The following KIF26B variants were observed in gnomAD, a reference collection of about 807,000 sequenced individuals.
The protein encoded by KIF26B is kinesin family member 26B, also known as kinesin-like protein KIF26B.
In KIF26B, 63 loss-of-function variants were observed where a neutral mutation model predicts 151.2. That is an observed-to-expected ratio of 0.42 (90% CI 0.34 to 0.51). KIF26B has a LOEUF of 0.51. Ranked by LOEUF, KIF26B falls within the 20% of genes least tolerant of loss-of-function variation. KIF26B has a pLI of 0.07. For missense variants in KIF26B, 2,813 were observed against 2,913.6 expected, an observed-to-expected ratio of 0.97 and a Z score of 0.79; for synonymous variants, 1,357 against 1,262.1, an observed-to-expected ratio of 1.08 and a Z score of -1.59.
rs111301143 is a variant in KIF26B, at chr1:245,443,523, G to A, written c.1166+23778G>A. Among the ~76,000 whole-genome samples, 2 of 102,598 alleles carry A rather than the reference G, an allele frequency of 1.9e-5. 1 individual carries two copies. The highest frequency in any genetic ancestry group is 6.5e-5 in the African/African-American group (2 of 30,686). The allele number at this position is 102,598 out of a possible 152,430, so 67.3% of individuals were successfully genotyped here. On this transcript the variant is annotated intron_variant, in intron 4 of 14. Transcript: ENST00000407071. ...TCATCTCCCTCACTGTTCATCCTGC[G>A]GTCATCTCCCTCACTGTTCACCTAG...
At chr1:245,240,279 G>T (rs554043319) in intron 2 of KIF26B, among the ~76,000 whole-genome samples, 1 of 152,076 alleles carries the variant, frequency 6.6e-6, no homozygotes, top group Non-Finnish European at 1.5e-5. Flanking sequence ...GGCCACATTC[G>T]CTTTATTTTT....
At chr1:245,451,405 A>G (rs564652012) in intron 4 of KIF26B, among the ~76,000 whole-genome samples, 1 of 151,840 alleles carries the variant, frequency 6.6e-6, no homozygotes, top group South Asian at 2.1e-4. Context: ...GTTTTATTAC[A>G]TTTATTTATT....
At chr1:245,623,945 C>T (rs1275214789) in intron 9 of KIF26B, among the ~76,000 whole-genome samples, 1 of 152,038 alleles carries the variant, frequency 6.6e-6, no homozygotes, top group African/African-American at 2.4e-5. Flanking sequence ...TTGTAATTCC[C>T]AGTGTTGGGG....
intron 4 of KIF26B, among the ~76,000 whole-genome samples, chr1:245,436,176 CAAA>C (rs1190717376): frequency 9.3e-6 from 1 of 107,572 alleles, no homozygotes; most frequent in Non-Finnish European, 2.0e-5. Context: ...GACTCTGTCT[CAAA>C]AAAAAAAAAA....
chr1:245,494,608 G>GA (rs1177121664), intron 4 of KIF26B, among the ~76,000 whole-genome samples: 5 of 151,350 alleles, frequency 3.3e-5, no homozygotes, highest in Admixed American at 1.3e-4. Context: ...AAGCCTAAAA[G>GA]AAAAAAAATA....
In KIF26B at chr1:245,673,224, TGGGCCCAGTCCCCG is replaced by T. The variant is rs2044315019; in HGVS notation, c.2259-11008_2259-10995del. On this transcript the variant is annotated intron_variant, in intron 10 of 14. Transcript: ENST00000407071. ...CAGTCCCCGCTGCGCGCTGCCATCT[TGGGCCCAGTCCCCG>T]AGGCCCAGTCCCCGCTGGGCGCTGC... 1.8e-5 allele frequency among the ~76,000 whole-genome samples: 2 copies of T among 109,860 alleles called. 1 individual carries two copies. 72.1% of individuals were successfully genotyped at this position (109,860 alleles called of 152,430 possible).
chr1:245,361,027 G>T (rs962455585), intron 2 of KIF26B, among the ~76,000 whole-genome samples: 6 of 152,286 alleles, frequency 3.9e-5, no homozygotes, highest in African/African-American at 1.4e-4. Context: ...ATTTTCAGGG[G>T]TTGTGACGAG....
intron 5 of KIF26B, among the ~76,000 whole-genome samples, chr1:245,556,148 G>T (rs960968147): frequency 6.6e-6 from 1 of 152,130 alleles, no homozygotes; most frequent in African/African-American, 2.4e-5. Context: ...GCTATGACCT[G>T]CTTCCTCTGT....
intron 4 of KIF26B, among the ~76,000 whole-genome samples, chr1:245,522,785 C>T (rs921552140): frequency 2.0e-5 from 3 of 152,090 alleles, no homozygotes; most frequent in African/African-American, 7.2e-5. Flanking sequence ...GTTGTGGTGT[C>T]GACAGGGTCT....
chr1:245,612,012 G>C (rs190771092), intron 9 of KIF26B, 36 bp downstream of exon 9: 1 of 1,599,070 alleles, frequency 6.3e-7, no homozygotes, highest in South Asian at 1.1e-5. Flanking sequence ...CCTCCTTAGC[G>C]GCTCTGGCCC....
At chr1:245,348,275 C>T (rs1672496669) in intron 2 of KIF26B, among the ~76,000 whole-genome samples, 1 of 152,170 alleles carries the variant, frequency 6.6e-6, no homozygotes, top group Non-Finnish European at 1.5e-5. Context: ...CCCTCCCAGG[C>T]CCGTAACTTC....
At chr1:245,464,595 G>T (rs1659732932) in intron 4 of KIF26B, among the ~76,000 whole-genome samples, 2 of 144,820 alleles carry the variant, frequency 1.4e-5, no homozygotes, top group African/African-American at 2.6e-5. Context: ...GTGTGTGGGT[G>T]TGTGCTGTGC....
chr1:245,192,609 A>C (rs992845576), intron 2 of KIF26B, among the ~76,000 whole-genome samples: 5 of 152,226 alleles, frequency 3.3e-5, no homozygotes, highest in African/African-American at 9.6e-5. Flanking sequence ...ACTTTTTAAA[A>C]TAATATAAAC....
At chr1:245,313,478 T>C (rs1671702534) in intron 2 of KIF26B, among the ~76,000 whole-genome samples, 1 of 152,232 alleles carries the variant, frequency 6.6e-6, no homozygotes, top group Non-Finnish European at 1.5e-5. Flanking sequence ...TGTGCAGCCC[T>C]GCCCGATGCA....
intron 2 of KIF26B, among the ~76,000 whole-genome samples, chr1:245,200,374 C>G (rs1465816215): frequency 6.6e-6 from 1 of 152,188 alleles, no homozygotes; most frequent in Non-Finnish European, 1.5e-5. Flanking sequence ...AAATCTTCTG[C>G]AGCTCTAGGG....
chr1:245,175,223 A>T (rs1279547021), intron 2 of KIF26B, among the ~76,000 whole-genome samples: 1 of 152,188 alleles, frequency 6.6e-6, no homozygotes, highest in Non-Finnish European at 1.5e-5. Flanking sequence ...GAAAGGCTAC[A>T]TATTCCATTA....
intron 2 of KIF26B, among the ~76,000 whole-genome samples, chr1:245,201,233 A>G (rs946972660): frequency 5.3e-5 from 8 of 152,232 alleles, no homozygotes; most frequent in African/African-American, 1.7e-4. Flanking sequence ...TACAAGTTAA[A>G]CACGCAACAA....
rs192542433 is a variant in KIF26B, at chr1:245,170,830, G to A, written c.465+14147G>A. ...ACATGATTTTGGGGAGAACATAAGC[G>A]TTCAGTCTGTTGCAGCAAGCATGAG... On this transcript the variant is annotated intron_variant, in intron 2 of 14. Transcript: ENST00000407071. The surrounding 1 kb of genome is among the most constrained non-coding windows in gnomAD (Gnocchi z 4.4). Among the ~76,000 whole-genome samples the A allele has an allele frequency of 1.1e-4, 16 of 152,278 alleles. No homozygotes were observed. Among genetic ancestry groups the A allele is most frequent in the East Asian group, 5.8e-4 (3 of 5,184 alleles).
At chr1:245,319,815 A>G (rs6677029) in intron 2 of KIF26B, among the ~76,000 whole-genome samples, 1 of 152,200 alleles carries the variant, frequency 6.6e-6, no homozygotes, top group Non-Finnish European at 1.5e-5. Flanking sequence ...CAGTGCAGCC[A>G]TGTGGCTTGG....
Sources: gnomAD v4.1 joint callset for allele counts (sites outside exome capture counted in the v4.1 genomes callset) on GRCh38, gnomAD v4.1.1 for gene constraint, Gnocchi (gnomAD v3.1) non-coding constraint, MANE v1.5 for transcripts, NCBI Gene and HGNC (gene_info 2026-07-23, HGNC 2026-07-21) for gene names.